DUSP8: variants seen among roughly 807,000 people sequenced by gnomAD.
The protein encoded by DUSP8 is dual specificity protein phosphatase 8.
Under a neutral mutation model 38.7 loss-of-function variants are expected in DUSP8, and 15 were observed. That is an observed-to-expected ratio of 0.39 (90% CI 0.26 to 0.60). The LOEUF (loss-of-function observed/expected upper bound fraction) is 0.60, where lower values mean the gene tolerates loss of function less well. Among genes scored for constraint, DUSP8 ranks in the 20% least tolerant of loss-of-function variants. DUSP8 has a pLI of 0.56. For missense variants in DUSP8, 768 were observed against 915.0 expected (o/e 0.84, Z 2.07); for synonymous variants, 458 against 433.9 (o/e 1.06, Z -0.69).
At position 1,565,948 on chromosome 11, in the gene DUSP8, G is replaced by C. The variant is rs968582496; in HGVS notation, c.-108-14C>G. The C allele has an allele frequency of 2.4e-6, 2 of 838,934 alleles. No homozygotes were observed. Among genetic ancestry groups the C allele is most frequent in the Non-Finnish European group, 3.8e-6 (2 of 521,458 alleles). The allele number at this position is 838,934 out of a possible 1,614,324, so 52.0% of individuals were successfully genotyped here. The stretch of plus-strand genomic sequence containing the variant: ...ATGGTGCTGGACCTGCAGGGACAGG[G>C]GGATGGTCAGCAGTGCTGCGGGCCC... On this transcript the variant is annotated splice_polypyrimidine_tract_variant and intron_variant, in intron 1 of 6. Coordinates refer to ENST00000397374, the MANE Select transcript of DUSP8 (RefSeq NM_004420.3).
chr11:1,557,821 A>G lies in DUSP8; in HGVS notation c.794T>C (p.Met265Thr), dbSNP rs749215329. 4.3e-5 allele frequency: 70 copies of G among 1,613,526 alleles called. No individual in the cohort carries two copies. Among genetic ancestry groups the G allele is most frequent in the Non-Finnish European group, 5.8e-5 (69 of 1,180,002 alleles). The stretch of plus-strand genomic sequence containing the variant: ...GTAGGCGTCGTCGGAGGACATGCCC[A>G]TGGTCTTCATGATGTAGGCGATGGC... ...TIAIAYIMKT[M>T]GMSSDDAYRF... The change falls in exon 6 of 7, where the codon ATG (methionine) becomes ACG (threonine). Residue 265 changes from methionine (M) to threonine (T), a missense_variant. Physicochemically the swap from Met to Thr is moderately conservative, Grantham distance 81 (BLOSUM62 -1). Coordinates refer to ENST00000397374, the MANE Select transcript of DUSP8 (RefSeq NM_004420.3). The surrounding 1 kb of genome is among the most constrained non-coding windows in gnomAD (Gnocchi z 9.9).
In DUSP8 at chr11:1,557,319, G is replaced by A. The variant is rs949214990; in HGVS notation, c.1077C>T (p.Pro359=). Residue 359 remains proline (P), a synonymous_variant, in exon 7 of 7, where the codon CCC becomes CCT. Transcript: ENST00000397374. This position sits in a 1 kb window ranked among gnomAD's most constrained non-coding sequence, Gnocchi z 9.9. ...EGGLSAGGEP[P]APPTPPATSA... ...TGGTCGCCGGGGGCGTGGGGGGCGC[G>A]GGGGGCTCCCCGCCCGCGCTCAGGC... 13 of 1,494,172 alleles carry A rather than the reference G, an allele frequency of 8.7e-6. No homozygotes were observed. The highest frequency in any genetic ancestry group is 2.6e-5 in the South Asian group (2 of 77,970). The allele number at this position is 1,494,172 out of a possible 1,614,324, so 92.6% of individuals were successfully genotyped here. A position where few individuals can be genotyped will look rare whatever the true frequency, so the allele number is the denominator to read the frequency against.
rs1848612390 is a variant in DUSP8 at position 1,555,792 on chromosome 11, A to T, written c.*726T>A. ...ACACCTCTGTCCTCCCCTGGGCTGCACCTCATCTGACGTTCCAGAACCCCC... is the reference window on the plus strand; with the variant it reads ...ACACCTCTGTCCTCCCCTGGGCTGCTCCTCATCTGACGTTCCAGAACCCCC... On this transcript the variant is annotated 3_prime_UTR_variant, in exon 7 of 7. Transcript: ENST00000397374. The T allele has an allele frequency of 6.6e-6, 1 of 152,444 alleles. No homozygotes were observed. Among genetic ancestry groups the T allele is most frequent in the South Asian group, 2.1e-4 (1 of 4,828 alleles). 9.4% of individuals were successfully genotyped at this position (152,444 alleles called of 1,614,324 possible).
Position 1,558,286 on chromosome 11 carries a change from G to C in DUSP8, c.538-15C>G. ...GTCATCAGATCCTGGAGGGGCGGGA[G>C]GGCGGGTTGGAAAGGGGTGGGAGAA... On this transcript the variant is annotated splice_polypyrimidine_tract_variant and intron_variant, in intron 4 of 6. Transcript: ENST00000397374. The surrounding 1 kb of genome is among the most constrained non-coding windows in gnomAD (Gnocchi z 6.3). 1.3e-6 allele frequency: 1 copy of C among 796,144 alleles called. No individual in the cohort carries two copies. Among genetic ancestry groups the C allele is most frequent in the Non-Finnish European group, 2.1e-6 (1 of 477,258 alleles). 49.3% of individuals were successfully genotyped at this position (796,144 alleles called of 1,614,324 possible). A position where few individuals can be genotyped will look rare whatever the true frequency, so the allele number is the denominator to read the frequency against.
chr11:1,563,683 G>A (rs1448070199), intron 3 of DUSP8, among the ~76,000 whole-genome samples, 168 bp downstream of exon 3: 1 of 152,104 alleles, frequency 6.6e-6, no homozygotes, highest in Non-Finnish European at 1.5e-5. Context: ...CATATTGGTG[G>A]GTCCTGAAGT....
At chr11:1,563,347 G>A (rs1033458838) in intron 3 of DUSP8, among the ~76,000 whole-genome samples, 1 of 152,188 alleles carries the variant, frequency 6.6e-6, no homozygotes, top group Admixed American at 6.5e-5. Context: ...GTGTGTAGGG[G>A]GGCGGCTTCC....
intron 2 of DUSP8, among the ~76,000 whole-genome samples, chr11:1,564,826 A>G (rs1262310464): frequency 1.3e-5 from 2 of 152,150 alleles, no homozygotes; most frequent in Non-Finnish European, 2.9e-5. Flanking sequence ...GCCAGTGGCC[A>G]TCCCACTTGA....
chr11:1,563,750 C>G, intron 3 of DUSP8, 101 bp downstream of exon 3: 1 of 1,245,306 alleles, frequency 8.0e-7, no homozygotes, highest in East Asian at 2.7e-5. Context: ...GTATGGAGAT[C>G]CCCCCGTGCC....
At position 1,557,979 on chromosome 11, in the gene DUSP8, A is replaced by G. The variant is rs1848662349; in HGVS notation, c.698-62T>C. ...AGACTGCACAGCTTCTCCCTGGCCC[A>G]GGTAGGGGACCCCACCCGCCCAACT... On this transcript the variant is annotated intron_variant, in intron 5 of 6. Transcript: ENST00000397374. This position sits in a 1 kb window ranked among gnomAD's most constrained non-coding sequence, Gnocchi z 9.9. The G allele has an allele frequency of 6.2e-7, 1 of 1,611,446 alleles. No individual in the cohort carries two copies. Among genetic ancestry groups the G allele is most frequent in the Non-Finnish European group, 8.5e-7 (1 of 1,178,618 alleles).
chr11:1,572,166 G>T lies in DUSP8; in HGVS notation c.-374C>A, dbSNP rs1848913573. Among the ~76,000 whole-genome samples, 1 of 145,752 alleles carries T rather than the reference G, an allele frequency of 6.9e-6. No homozygotes were observed. Among genetic ancestry groups the T allele is most frequent in the Non-Finnish European group, 1.5e-5 (1 of 65,682 alleles). ...CGCGGCTCGGCGGGCGCGGCCGGGAGGTTCCGGCGCGGCTCGGGCTCGGGC... is the reference window on the plus strand; with the variant it reads ...CGCGGCTCGGCGGGCGCGGCCGGGATGTTCCGGCGCGGCTCGGGCTCGGGC... On this transcript the variant is annotated 5_prime_UTR_variant, in exon 1 of 7. Transcript: ENST00000397374. The surrounding 1 kb of genome is among the most constrained non-coding windows in gnomAD (Gnocchi z 4.7).
chr11:1,572,262 G>A lies in DUSP8; in HGVS notation c.-470C>T, dbSNP rs970878290. Among the ~76,000 whole-genome samples, 1 of 148,330 alleles carries A rather than the reference G, an allele frequency of 6.7e-6. No homozygotes were observed. On this transcript the variant is annotated 5_prime_UTR_variant, in exon 1 of 7. Transcript: ENST00000397374. This position sits in a 1 kb window ranked among gnomAD's most constrained non-coding sequence, Gnocchi z 4.7. ...GGGAGCCGGCTCGGCCGCCGCGCTCGGCCGCGAGTGACAGGCCCGGGGCGG... is the reference window on the plus strand; with the variant it reads ...GGGAGCCGGCTCGGCCGCCGCGCTCAGCCGCGAGTGACAGGCCCGGGGCGG...
intron 2 of DUSP8, 30 bp from the exon 3 acceptor site, chr11:1,564,019 C>A: frequency 1.4e-6 from 2 of 1,416,894 alleles, no homozygotes; most frequent in Admixed American, 2.9e-5. Flanking sequence ...GATCAGCATG[C>A]CGCCTCCACC....
chr11:1,572,309 A>G (rs180751160), upstream of DUSP8, among the ~76,000 whole-genome samples: 3 of 145,800 alleles, frequency 2.1e-5, no homozygotes, highest in Non-Finnish European at 1.5e-5. The surrounding 1 kb of genome is among the most constrained non-coding windows in gnomAD (Gnocchi z 4.7). Flanking sequence ...GCCGGCGGGG[A>G]TGAGGTCATG....
chr11:1,569,133 G>A (rs958743458), intron 1 of DUSP8, among the ~76,000 whole-genome samples: 3 of 152,158 alleles, frequency 2.0e-5, no homozygotes, highest in African/African-American at 7.2e-5. Context: ...GAGTACCTGT[G>A]GCCCTGCTAT....
At chr11:1,572,659 C>G (rs1848927293), upstream of DUSP8, 1 of 151,878 alleles carries the variant, frequency 6.6e-6, no homozygotes. The surrounding 1 kb of genome is among the most constrained non-coding windows in gnomAD (Gnocchi z 4.7). Flanking sequence ...AAGTCCTCCC[C>G]CCGACCCGGA....
Position 1,555,172 on chromosome 11 carries a change from G to A in DUSP8, c.*1346C>T. The A allele has an allele frequency of 1.0e-6, 1 of 987,958 alleles. No individual in the cohort carries two copies. The highest frequency in any genetic ancestry group is 1.2e-6 in the Non-Finnish European group (1 of 830,220). 61.2% of individuals were successfully genotyped at this position (987,958 alleles called of 1,614,324 possible). A position where few individuals can be genotyped will look rare whatever the true frequency, so the allele number is the denominator to read the frequency against. The stretch of plus-strand genomic sequence containing the variant: ...GGTCCCAATGGCCCGAGGGGGTATG[G>A]GGCAGGGGCAGCAGGCTGACCCACC... On this transcript the variant is annotated 3_prime_UTR_variant, in exon 7 of 7. Transcript: ENST00000397374.
Position 1,557,161 on chromosome 11 carries a change from C to T in DUSP8, c.1235G>A (p.Gly412Glu), listed in dbSNP as rs1590800014. ...YAPSRRPDGP[G>E]PPDPGEAPKL... ...CGGGGCCTCGCCGGGGTCGGGGGGC[C>T]CGGGGCCGTCGGGCCGCCTGCTAGG... is the stretch of plus-strand genomic sequence containing the variant. Residue 412 changes from glycine (G) to glutamate (E), a missense_variant, in exon 7 of 7, where the codon GGG becomes GAG. Transcript: ENST00000397374. The surrounding 1 kb of genome is among the most constrained non-coding windows in gnomAD (Gnocchi z 9.9). 2 of 1,443,814 alleles carry T rather than the reference C, an allele frequency of 1.4e-6. No individual in the cohort carries two copies. The allele number at this position is 1,443,814 out of a possible 1,614,324, so 89.4% of individuals were successfully genotyped here.
In DUSP8 at chr11:1,564,956, G is replaced by A. The variant is rs545282191; in HGVS notation, c.231+640C>T. Among the ~76,000 whole-genome samples the A allele has an allele frequency of 1.4e-4, 22 of 152,306 alleles. No individual in the cohort carries two copies. The South Asian group carries it at 4.4e-3, about 30-fold the overall frequency. On this transcript the variant is annotated intron_variant, in intron 2 of 6. Transcript: ENST00000397374. The stretch of plus-strand genomic sequence containing the variant: ...CGAGGCAGTAGAAGGAGGAGGTGCC[G>A]CCACCTTCACAGGTCAACAGCCCCG...
intron 2 of DUSP8, 45 bp downstream of exon 2, chr11:1,565,551 G>A (rs199546665): frequency 1.8e-4 from 268 of 1,500,696 alleles, no homozygotes; most frequent in Non-Finnish European, 2.2e-4. Context: ...CCTTAGCTGT[G>A]GACCCTGGAC....
Sources: gnomAD v4.1 joint callset for allele counts (sites outside exome capture counted in the v4.1 genomes callset) on GRCh38, gnomAD v4.1.1 for gene constraint, Gnocchi (gnomAD v3.1) non-coding constraint, MANE v1.5 for transcripts, NCBI Gene and HGNC (gene_info 2026-07-23, HGNC 2026-07-21) for gene names.